PBX3: variants seen among roughly 807,000 people sequenced by gnomAD.
The protein encoded by PBX3 is PBX homeobox 3, also known as pre-B-cell leukemia transcription factor 3.
PBX3 carries 14 observed loss-of-function variants against 48.5 expected under a neutral mutation model. The observed-to-expected ratio is 0.29, with a 90% CI of 0.19 to 0.45. PBX3 has a LOEUF of 0.45. Among genes scored for constraint, PBX3 ranks in the 20% least tolerant of loss-of-function variants. The pLI is 1.00. For synonymous variants in PBX3, 210 were observed against 200.3 expected, an observed-to-expected ratio of 1.05 and a Z score of -0.41; for missense variants, 386 against 546.7, an observed-to-expected ratio of 0.71 and a Z score of 2.93.
intron 5 of PBX3, among the ~76,000 whole-genome samples, chr9:125,953,613 ATAAT>A (rs1842238083): frequency 6.6e-6 from 1 of 152,238 alleles, no homozygotes; most frequent in South Asian, 2.1e-4. Context: ...GTTATGCTAA[ATAAT>A]AAGTAAACTG....
chr9:125,931,857 A>G (rs187819955), intron 4 of PBX3, among the ~76,000 whole-genome samples: 5 of 152,310 alleles, frequency 3.3e-5, no homozygotes, highest in Admixed American at 2.6e-4. Context: ...ACTATTTTAG[A>G]TAGATTTTTA....
intron 2 of PBX3, among the ~76,000 whole-genome samples, chr9:125,783,616 C>G (rs12236184): frequency 0.02 from 3,041 of 152,230 alleles, 169 homozygotes; most frequent in East Asian, 0.17. Context: ...AATCTCTTTG[C>G]TAATACTCTG....
intron 1 of PBX3, 172 bp from the exon 2 acceptor site, chr9:125,748,378 C>G: frequency 7.5e-7 from 1 of 1,341,922 alleles, no homozygotes; most frequent in South Asian, 1.7e-5. Context: ...GCCGCCGGGG[C>G]TTGCTGGCTG....
chr9:125,913,739 A>G (rs1302087390), intron 2 of PBX3, among the ~76,000 whole-genome samples: 1 of 152,118 alleles, frequency 6.6e-6, no homozygotes, highest in Non-Finnish European at 1.5e-5. Context: ...AAAACTAGAA[A>G]CCCGGAGGAA....
At chr9:125,808,155 TA>T (rs1838182552) in intron 2 of PBX3, among the ~76,000 whole-genome samples, 1 of 152,182 alleles carries the variant, frequency 6.6e-6, no homozygotes, top group Non-Finnish European at 1.5e-5. Context: ...TGTTAAAAAT[TA>T]AAAAGTTTTC....
chr9:125,795,550 A>G (rs889062275), intron 2 of PBX3, among the ~76,000 whole-genome samples: 2 of 152,176 alleles, frequency 1.3e-5, no homozygotes, highest in Middle Eastern at 3.2e-3. Flanking sequence ...CAGTTCAACA[A>G]TCATATACAA....
At chr9:125,942,361 C>T (rs1841974673) in intron 5 of PBX3, among the ~76,000 whole-genome samples, 1 of 152,180 alleles carries the variant, frequency 6.6e-6, no homozygotes, top group South Asian at 2.1e-4. Flanking sequence ...CATCATTTTC[C>T]CGCTAAGCTA....
chr9:125,816,482 T>G (rs1564670959), intron 2 of PBX3, among the ~76,000 whole-genome samples: 1 of 152,224 alleles, frequency 6.6e-6, no homozygotes, highest in Non-Finnish European at 1.5e-5. Flanking sequence ...TTGTTCGGAG[T>G]GATTTTATCT....
intron 2 of PBX3, among the ~76,000 whole-genome samples, chr9:125,865,784 T>G (rs1010444721): frequency 6.6e-6 from 1 of 152,210 alleles, no homozygotes; most frequent in Non-Finnish European, 1.5e-5. Flanking sequence ...ACAAAGATTA[T>G]GTAGTTTTAC....
intron 5 of PBX3, among the ~76,000 whole-genome samples, chr9:125,953,818 T>C (rs967664011): frequency 6.6e-6 from 1 of 152,144 alleles, no homozygotes; most frequent in Admixed American, 6.5e-5. Context: ...TGTGCTCACA[T>C]AGAGAAGTTA....
At chr9:125,812,369 A>T (rs1455630443) in intron 2 of PBX3, among the ~76,000 whole-genome samples, 2 of 152,250 alleles carry the variant, frequency 1.3e-5, no homozygotes, top group Admixed American at 1.3e-4. Flanking sequence ...ATATGCATTT[A>T]ACCATATTTT....
intron 5 of PBX3, among the ~76,000 whole-genome samples, chr9:125,960,419 A>G (rs1842401933): frequency 6.6e-6 from 1 of 152,188 alleles, no homozygotes; most frequent in African/African-American, 2.4e-5. Flanking sequence ...TAGCAGTTGG[A>G]TATCTTTTAT....
intron 2 of PBX3, among the ~76,000 whole-genome samples, chr9:125,784,551 C>G (rs1837411040): frequency 6.6e-6 from 1 of 152,120 alleles, no homozygotes; most frequent in Admixed American, 6.6e-5. Context: ...TGGACTATGG[C>G]TGTTTGTGTT....
chr9:125,748,121 A>C, intron 1 of PBX3: 1 of 506,976 alleles, frequency 2.0e-6, no homozygotes, highest in Non-Finnish European at 2.5e-6. Flanking sequence ...GCGGACGGCC[A>C]AGTTCTCGGA....
At chr9:125,825,620 A>AAAATGAT (rs1372661584) in intron 2 of PBX3, among the ~76,000 whole-genome samples, 4 of 152,134 alleles carry the variant, frequency 2.6e-5, no homozygotes, top group Non-Finnish European at 5.9e-5. Flanking sequence ...TGAACAAATT[A>AAAATGAT]GAGTTAAAAC....
At chr9:125,912,128 G>C (rs148154966) in intron 2 of PBX3, among the ~76,000 whole-genome samples, 2 of 152,252 alleles carry the variant, frequency 1.3e-5, no homozygotes, top group Non-Finnish European at 2.9e-5. Context: ...TTGTGTTACA[G>C]TGTTCTTCTG....
intron 2 of PBX3, among the ~76,000 whole-genome samples, chr9:125,799,549 G>A (rs1837879617): frequency 6.6e-6 from 1 of 152,180 alleles, no homozygotes; most frequent in Admixed American, 6.5e-5. Flanking sequence ...GGAAGGGTTT[G>A]TTGACTACTT....
At chr9:125,815,118 A>G (rs1838419253) in intron 2 of PBX3, among the ~76,000 whole-genome samples, 1 of 152,224 alleles carries the variant, frequency 6.6e-6, no homozygotes, top group African/African-American at 2.4e-5. Flanking sequence ...ACTGAAAGAA[A>G]TCAGACTAAG....
At position 125,874,242 on chromosome 9, in the gene PBX3, T is replaced by C. The variant is rs148159927; in HGVS notation, c.275-41444T>C. Reference sequence around the variant, plus strand: ...AGAGAACATCAGGACCAGAGGATTTTTCTATGGAATTCTAAACATTCAATG... The same window carrying C: ...AGAGAACATCAGGACCAGAGGATTTCTCTATGGAATTCTAAACATTCAATG... On this transcript the variant is annotated intron_variant, in intron 2 of 8. Coordinates refer to ENST00000373489, the MANE Select transcript of PBX3 (RefSeq NM_006195.6). Among the ~76,000 whole-genome samples the C allele has an allele frequency of 5.8e-4, 88 of 152,268 alleles. 5 individuals carry two copies. The East Asian group carries it at 0.016, about 28-fold the overall frequency.
Sources: gnomAD v4.1 joint callset for allele counts (sites outside exome capture counted in the v4.1 genomes callset) on GRCh38, gnomAD v4.1.1 for gene constraint, MANE v1.5 for transcripts, NCBI Gene and HGNC (gene_info 2026-07-23, HGNC 2026-07-21) for gene names.